The following HMCN2 variants were observed in gnomAD, a reference collection of about 807,000 sequenced individuals.
HMCN2 encodes hemicentin-2.
A neutral mutation model predicts 377.5 loss-of-function variants in HMCN2; 325 were observed. That is an observed-to-expected ratio of 0.86 (90% CI 0.79 to 0.94). The LOEUF (loss-of-function observed/expected upper bound fraction) is 0.94, where lower values mean the gene tolerates loss of function less well. Ranked by LOEUF, HMCN2 falls within the 40% of genes least tolerant of loss-of-function variation. The pLI is 0.00. For synonymous variants in HMCN2, 2,007 were observed against 2,046.8 expected (o/e 0.98, Z 0.53); for missense variants, 4,543 against 4,725.3 (o/e 0.96, Z 1.13).
rs542658004 is a variant in HMCN2 at position 130,430,507 on chromosome 9, C to T, written c.14550C>T (p.His4850=). ...PWASIPGTSY[H]AWVSLRPGPM... Reference sequence around the variant, plus strand: ...CCTCGATCCCCGGTACCTCCTACCACGCCTGGGTCTCTCTCCGTCCGGGTC... The same window carrying T: ...CCTCGATCCCCGGTACCTCCTACCATGCCTGGGTCTCTCTCCGTCCGGGTC... Residue 4850 remains histidine, a synonymous_variant, in exon 95 of 98, where the codon CAC becomes CAT. Coordinates refer to ENST00000683500, the MANE Select transcript of HMCN2 (RefSeq NM_001291815.2). 9.1e-4 allele frequency: 1,411 copies of T among 1,550,602 alleles called. 2 individuals carry two copies. Among genetic ancestry groups the T allele is most frequent in the Non-Finnish European group, 1.1e-3 (1,293 of 1,146,972 alleles).
intron 15 of HMCN2, among the ~76,000 whole-genome samples, chr9:130,310,407 T>C (rs2131365393): frequency 1.3e-5 from 2 of 152,382 alleles, no homozygotes; most frequent in Admixed American, 1.3e-4. Context: ...TCTCAAGGTT[T>C]GCCTGGGCCT....
chr9:130,396,124 T>C (rs1384518461), intron 72 of HMCN2, 45 bp from the exon 73 acceptor site: 1 of 853,810 alleles, frequency 1.2e-6, no homozygotes. Context: ...CCCACCCCCT[T>C]AGAGCCACAG....
chr9:130,433,615 G>A lies in HMCN2; in HGVS notation c.15162G>A (p.Arg5054=). 2.0e-6 allele frequency: 3 copies of A among 1,519,794 alleles called. No homozygotes were observed. Among genetic ancestry groups the A allele is most frequent in the East Asian group, 5.5e-5 (2 of 36,672 alleles). The allele number at this position is 1,519,794 out of a possible 1,614,324, so 94.1% of individuals were successfully genotyped here. Residue 5054 remains arginine, a synonymous_variant, in exon 98 of 98, where the codon CGG becomes CGA. Coordinates refer to ENST00000683500, the MANE Select transcript of HMCN2 (RefSeq NM_001291815.2). ...RRALTRAGLY[R]LTVRAAAPRH... is the part of the protein sequence containing the mutation. ...CGCTCACCCGCGCCGGCCTCTACCG[G>A]CTCACCGTGCGTGCTGCGGCACCGC...
chr9:130,270,864 C>G (rs1332613169), intron 1 of HMCN2, among the ~76,000 whole-genome samples: 3 of 148,500 alleles, frequency 2.0e-5, no homozygotes, highest in Admixed American at 1.4e-4. Flanking sequence ...ATACATGAGC[C>G]ACGGTGCCCA....
intron 61 of HMCN2, among the ~76,000 whole-genome samples, chr9:130,388,039 A>T (rs1842109858): frequency 6.6e-6 from 1 of 152,222 alleles, no homozygotes; most frequent in African/African-American, 2.4e-5. Flanking sequence ...CCCTGAGGGC[A>T]AAGGCATTTC....
At chr9:130,419,296 G>A in intron 86 of HMCN2, 1 of 387,852 alleles carries the variant, frequency 2.6e-6, no homozygotes, top group Admixed American at 4.2e-5. Context: ...ACAAATGCAT[G>A]TCCTCTGTCT....
intron 1 of HMCN2, among the ~76,000 whole-genome samples, chr9:130,278,180 A>G (rs1317014362): frequency 1.3e-5 from 2 of 152,072 alleles, no homozygotes; most frequent in African/African-American, 2.4e-5. Flanking sequence ...GGTGGAGTGC[A>G]GTGGCGCGAT....
intron 48 of HMCN2, among the ~76,000 whole-genome samples, chr9:130,374,055 G>A (rs868815120): frequency 2.6e-5 from 4 of 152,042 alleles, no homozygotes; most frequent in Middle Eastern, 3.4e-3. Flanking sequence ...TGGAGGGATA[G>A]TTGGGTAGGT....
rs1163727543 is a variant in HMCN2 at position 130,362,881 on chromosome 9, C to T, written c.6123C>T (p.Gly2041=). The change falls in exon 40 of 98, where the codon GGC becomes GGT. Residue 2041 remains glycine (G), a synonymous_variant. Transcript: ENST00000683500. ...TGGGGTCACAGGTCTTCCCTGGGGG[C>T]CGGGTCCTCACCTTGGCTAGTGCCC... is the stretch of plus-strand genomic sequence containing the variant. ...GTPGLQVFPG[G]RVLTLASARA... is the part of the protein sequence containing the mutation. 3 of 985,802 alleles carry T rather than the reference C, an allele frequency of 3.0e-6. No homozygotes were observed. Among genetic ancestry groups the T allele is most frequent in the Non-Finnish European group, 2.4e-6 (2 of 829,966 alleles). 61.1% of individuals were successfully genotyped at this position (985,802 alleles called of 1,614,324 possible).
rs1183752452 is a variant in HMCN2 at position 130,423,805 on chromosome 9, G to T, written c.13382-971G>T. Among the ~76,000 whole-genome samples the T allele has an allele frequency of 6.6e-6, 1 of 152,134 alleles. No individual in the cohort carries two copies. The highest frequency in any genetic ancestry group is 2.4e-5 in the African/African-American group (1 of 41,434). The stretch of plus-strand genomic sequence containing the variant: ...TTTGGTTCTTTTTTCAAACGGTTTG[G>T]AACAAACCGGGGCTGGTCCAGAAGG... On this transcript the variant is annotated intron_variant, in intron 87 of 97. Transcript: ENST00000683500. This position sits in a 1 kb window ranked among gnomAD's most constrained non-coding sequence, Gnocchi z 5.5.
intron 4 of HMCN2, among the ~76,000 whole-genome samples, chr9:130,293,032 A>T (rs1401132118): frequency 6.6e-6 from 1 of 151,960 alleles, no homozygotes; most frequent in Non-Finnish European, 1.5e-5. Flanking sequence ...CTACCTATCA[A>T]TTTATCATCT....
At chr9:130,319,083 C>T (rs1205839026) in intron 15 of HMCN2, among the ~76,000 whole-genome samples, 2 of 152,126 alleles carry the variant, frequency 1.3e-5, no homozygotes, top group Non-Finnish European at 1.5e-5. Context: ...CAGGAGGAGG[C>T]GAGGGGTAGG....
At chr9:130,356,394 T>TC (rs1840028708) in intron 34 of HMCN2, 137 bp downstream of exon 34, 1 of 853,014 alleles carries the variant, frequency 1.2e-6, no homozygotes, top group South Asian at 1.7e-5. Flanking sequence ...ACTTCCCAGT[T>TC]CCCCACAGAG....
At position 130,393,821 on chromosome 9, in the gene HMCN2, G is replaced by T. The variant is rs1343555264; in HGVS notation, c.10314G>T (p.Glu3438Asp). 1 of 1,288,884 alleles carries T rather than the reference G, an allele frequency of 7.8e-7. No homozygotes were observed. The highest frequency in any genetic ancestry group is 1.2e-5 in the South Asian group (1 of 80,918). 79.8% of individuals were successfully genotyped at this position (1,288,884 alleles called of 1,614,324 possible). The change falls in exon 68 of 98, where the codon GAG (glutamate) becomes GAT (aspartate). Residue 3438 changes from glutamate to aspartate, a missense_variant. Physicochemically the swap from Glu to Asp is conservative, Grantham distance 45. This residue lies in a region of HMCN2 where 1,073 missense variants were observed against 1,319.5 expected (regional missense o/e 0.81). Transcript: ENST00000683500. The surrounding 1 kb of genome is among the most constrained non-coding windows in gnomAD (Gnocchi z 5.2). Reference protein sequence around the residue: ...VRGSLVELPCEARGVPLPLVS... With the variant: ...VRGSLVELPCDARGVPLPLVS... ...GCTCCCTGGTGGAACTCCCGTGCGA[G>T]GCCCGGGGCGTTCCCCTGCCTCTCG... is the stretch of plus-strand genomic sequence containing the variant.
intron 25 of HMCN2, among the ~76,000 whole-genome samples, chr9:130,345,536 T>C (rs1839346584): frequency 6.7e-6 from 1 of 149,838 alleles, no homozygotes. Flanking sequence ...GTGTGTATAG[T>C]ATGTGGTGTG....
At chr9:130,294,330 A>G (rs1203071687) in intron 4 of HMCN2, among the ~76,000 whole-genome samples, 2 of 152,230 alleles carry the variant, frequency 1.3e-5, no homozygotes, top group Non-Finnish European at 2.9e-5. Context: ...GGTCTTCTCA[A>G]TATTGCAAAA....
intron 22 of HMCN2, 90 bp downstream of exon 22, chr9:130,327,565 A>T (rs1838208008): frequency 6.6e-6 from 1 of 152,114 alleles, no homozygotes; most frequent in East Asian, 1.9e-4. Flanking sequence ...GGTGTCTTGG[A>T]CCCTGCAGTC....
At chr9:130,350,734 AATAT>A (rs1554950925) in intron 29 of HMCN2, among the ~76,000 whole-genome samples, 2 of 148,406 alleles carry the variant, frequency 1.3e-5, no homozygotes, top group Middle Eastern at 3.2e-3. Flanking sequence ...AAAATACAAA[AATAT>A]ATATATATAT....
intron 25 of HMCN2, among the ~76,000 whole-genome samples, chr9:130,343,393 G>T (rs1182992910): frequency 6.6e-6 from 1 of 152,230 alleles, no homozygotes; most frequent in Non-Finnish European, 1.5e-5. Context: ...GCCCTGGAAG[G>T]CCCCAGAAAA....
Sources: gnomAD v4.1 joint callset for allele counts (sites outside exome capture counted in the v4.1 genomes callset) on GRCh38, gnomAD v4.1.1 for gene constraint, gnomAD v4.1.1 regional missense constraint, Gnocchi (gnomAD v3.1) non-coding constraint, MANE v1.5 for transcripts, NCBI Gene and HGNC (gene_info 2026-07-23, HGNC 2026-07-21) for gene names.